Variants in ATRIP observed in about 807,000 individuals in gnomAD.
ATRIP encodes the protein ATR interacting protein, also known as ATR-interacting protein.
A neutral mutation model predicts 78.1 loss-of-function variants in ATRIP; 44 were observed. That is an observed-to-expected ratio of 0.56 (90% CI 0.44 to 0.72). ATRIP has a LOEUF of 0.72. ATRIP is among the 30% of genes least tolerant of loss of function. ATRIP has a pLI of 0.00. For missense variants in ATRIP, 927 were observed against 980.2 expected, an observed-to-expected ratio of 0.95 and a Z score of 0.72; for synonymous variants, 388 against 408.9, an observed-to-expected ratio of 0.95 and a Z score of 0.62.
At chr3:48,462,998 CCTT>C (rs1479584348) in intron 8 of ATRIP, among the ~76,000 whole-genome samples, 1 of 152,206 alleles carries the variant, frequency 6.6e-6, no homozygotes, top group Non-Finnish European at 1.5e-5. Context: ...GATATCTTGA[CCTT>C]CTGTGCTTAG....
chr3:48,452,682 G>A (rs1350552420), intron 3 of ATRIP, among the ~76,000 whole-genome samples: 2 of 151,872 alleles, frequency 1.3e-5, no homozygotes, highest in East Asian at 1.9e-4. Context: ...GCAATAGAGC[G>A]AGACCCTGTT....
Position 48,449,965 on chromosome 3 carries a change from TATTTTCAGC to T in ATRIP, c.248-65_248-57del. On this transcript the variant is annotated intron_variant, in intron 1 of 12. Coordinates refer to ENST00000320211, the MANE Select transcript of ATRIP (RefSeq NM_130384.3). ...AAAAGAAAAAAAAAAAAAAAGTGGG[TATTTTCAGC>T]ATTTTCTGGCAAAAGTGGGAAAATA... 2.7e-6 allele frequency: 4 copies of T among 1,456,526 alleles called. No individual in the cohort carries two copies. In the South Asian group the frequency reaches 5.4e-5, roughly 20 times the overall value. 90.2% of individuals were successfully genotyped at this position (1,456,526 alleles called of 1,614,324 possible).
intron 4 of ATRIP, among the ~76,000 whole-genome samples, chr3:48,455,159 G>GGC (rs1165879625): frequency 6.6e-6 from 1 of 152,064 alleles, no homozygotes; most frequent in Non-Finnish European, 1.5e-5. Context: ...CACTGTGCCT[G>GGC]GCGCAGCCTG....
chr3:48,449,220 G>C (rs1038157195), intron 1 of ATRIP, among the ~76,000 whole-genome samples: 1 of 151,684 alleles, frequency 6.6e-6, no homozygotes, highest in African/African-American at 2.4e-5. Context: ...TTGAGACCAG[G>C]CTGGCCAATA....
chr3:48,463,734 C>T lies in ATRIP; in HGVS notation c.1746-11C>T. 6.2e-7 allele frequency: 1 copy of T among 1,614,026 alleles called. No individual in the cohort carries two copies. The highest frequency in any genetic ancestry group is 8.5e-7 in the Non-Finnish European group (1 of 1,179,950). On this transcript the variant is annotated splice_polypyrimidine_tract_variant and intron_variant, in intron 8 of 12. Transcript: ENST00000320211. ...GGGAGTGTCACGTCTCTCTGGGTCC[C>T]TGTCTTTTAGGTTCCAGTGTGTGTT...
chr3:48,451,143 C>T (rs1022449254), intron 2 of ATRIP, among the ~76,000 whole-genome samples: 6 of 151,358 alleles, frequency 4.0e-5, no homozygotes, highest in African/African-American at 9.7e-5. Context: ...GAGCCGAGAT[C>T]GTGCCATTGC....
chr3:48,466,874 G>A lies in ATRIP; in HGVS notation c.*1320G>A, dbSNP rs778992418. On this transcript the variant is annotated 3_prime_UTR_variant, in exon 13 of 13. Transcript: ENST00000320211. Reference sequence around the variant, plus strand: ...ACAAGCTCTCCCTGTGTGTGGCTCCGGGGAAGGCCTGCAGCCCTGCAGCCA... The same window carrying A: ...ACAAGCTCTCCCTGTGTGTGGCTCCAGGGAAGGCCTGCAGCCCTGCAGCCA... The A allele has an allele frequency of 9.0e-5, 145 of 1,613,148 alleles. No individual in the cohort carries two copies. The highest frequency in any genetic ancestry group is 1.1e-4 in the Non-Finnish European group (124 of 1,180,012).
intron 6 of ATRIP, 160 bp downstream of exon 6, chr3:48,459,614 A>G: frequency 8.9e-7 from 1 of 1,125,178 alleles, no homozygotes; most frequent in Non-Finnish European, 1.3e-6. Context: ...TAAAGTGGAA[A>G]GGGCCAAGGG....
chr3:48,461,442 A>T (rs2040109944), intron 8 of ATRIP: 2 of 152,196 alleles, frequency 1.3e-5, no homozygotes, highest in Non-Finnish European at 2.9e-5. Context: ...CACTCTACCA[A>T]AGGGTCAGTT....
chr3:48,465,118 A>G (rs900114440), intron 12 of ATRIP, 35 bp downstream of exon 12: 2 of 1,582,828 alleles, frequency 1.3e-6, no homozygotes, highest in African/African-American at 1.3e-5. Context: ...CCCAGCCCCC[A>G]TGGCTTCTTC....
rs955972773 is a variant in ATRIP at position 48,446,813 on chromosome 3, G to A, written c.-33G>A. The A allele has an allele frequency of 1.5e-6, 2 of 1,378,632 alleles. No individual in the cohort carries two copies. Among genetic ancestry groups the A allele is most frequent in the East Asian group, 2.8e-5 (1 of 35,760 alleles). The allele number at this position is 1,378,632 out of a possible 1,614,324, so 85.4% of individuals were successfully genotyped here. A position where few individuals can be genotyped will look rare whatever the true frequency, so the allele number is the denominator to read the frequency against. Reference sequence around the variant, plus strand: ...GCCTGGCGGCAGGCAAGTCTAGCTCGGCGCTGTCGGATACTTGGGGTGAGC... The same window carrying A: ...GCCTGGCGGCAGGCAAGTCTAGCTCAGCGCTGTCGGATACTTGGGGTGAGC... On this transcript the variant is annotated 5_prime_UTR_variant, in exon 1 of 13. Coordinates refer to ENST00000320211, the MANE Select transcript of ATRIP (RefSeq NM_130384.3).
intron 1 of ATRIP, among the ~76,000 whole-genome samples, chr3:48,448,013 C>CA (rs1216054502): frequency 6.6e-6 from 1 of 152,200 alleles, no homozygotes; most frequent in African/African-American, 2.4e-5. Context: ...ATCTGTGTTA[C>CA]CATGAGTCCT....
intron 3 of ATRIP, among the ~76,000 whole-genome samples, chr3:48,452,694 CA>C (rs1411136641): frequency 1.3e-5 from 2 of 151,532 alleles, no homozygotes; most frequent in African/African-American, 2.4e-5. Flanking sequence ...GACCCTGTTT[CA>C]AAAAAAGACT....
chr3:48,457,162 C>T (rs2039974137), intron 4 of ATRIP, 97 bp from the exon 5 acceptor site: 1 of 1,190,684 alleles, frequency 8.4e-7, no homozygotes, highest in African/African-American at 1.6e-5. Context: ...AACACCTAGA[C>T]ATGAAAAGTT....
chr3:48,459,500 G>C lies in ATRIP; in HGVS notation c.925+46G>C, dbSNP rs753785332. 24 of 1,560,042 alleles carry C rather than the reference G, an allele frequency of 1.5e-5. 1 individual carries two copies. Among genetic ancestry groups the C allele is most frequent in the Middle Eastern group, 1.7e-4 (1 of 5,970 alleles). On this transcript the variant is annotated intron_variant, in intron 6 of 12. Transcript: ENST00000320211. ...CCTGCAGGGGCCTGCATGGCTCTGAGTAATATGCAGAAGAATTGCCCAGGC... is the reference window on the plus strand; with the variant it reads ...CCTGCAGGGGCCTGCATGGCTCTGACTAATATGCAGAAGAATTGCCCAGGC...
chr3:48,463,695 T>C (rs747472705), intron 8 of ATRIP, 50 bp from the exon 9 acceptor site: 2 of 1,609,402 alleles, frequency 1.2e-6, no homozygotes, highest in South Asian at 2.2e-5. Context: ...AGGTAGGTTA[T>C]GGAGCTGGGG....
chr3:48,452,747 C>G (rs1414187678), intron 3 of ATRIP, among the ~76,000 whole-genome samples: 1 of 152,050 alleles, frequency 6.6e-6, no homozygotes, highest in Non-Finnish European at 1.5e-5. Context: ...GAGAAAGGCT[C>G]TGATTGGTTT....
chr3:48,463,898 C>T lies in ATRIP; in HGVS notation c.1882+17C>T, dbSNP rs1242194409. Reference sequence around the variant, plus strand: ...CCCACTCAGGTAAAGCAGGGTGGGGCGGGCGTCTAGACTGCTCCTGCAGAT... The same window carrying T: ...CCCACTCAGGTAAAGCAGGGTGGGGTGGGCGTCTAGACTGCTCCTGCAGAT... On this transcript the variant is annotated intron_variant, in intron 9 of 12. Coordinates refer to ENST00000320211, the MANE Select transcript of ATRIP (RefSeq NM_130384.3). The T allele has an allele frequency of 5.6e-6, 9 of 1,613,116 alleles. No individual in the cohort carries two copies. The East Asian group carries it at 6.7e-5, about 12-fold the overall frequency.
At chr3:48,457,719 G>A (rs889452502) in intron 5 of ATRIP, among the ~76,000 whole-genome samples, 12 of 152,154 alleles carry the variant, frequency 7.9e-5, no homozygotes, top group Non-Finnish European at 1.6e-4. Flanking sequence ...CAGAGAGAGC[G>A]AGCCAGGCAG....
Sources: gnomAD v4.1 joint callset for allele counts (sites outside exome capture counted in the v4.1 genomes callset) on GRCh38, gnomAD v4.1.1 for gene constraint, MANE v1.5 for transcripts, NCBI Gene and HGNC (gene_info 2026-07-23, HGNC 2026-07-21) for gene names.